Variants in ARPP21 observed in about 807,000 individuals in gnomAD.
ARPP21 encodes cAMP regulated phosphoprotein 21.
ARPP21 carries 69 observed loss-of-function variants against 113.2 expected under a neutral mutation model. The ratio of observed to expected loss-of-function variants is 0.61; its 90% CI spans 0.50 to 0.74. The LOEUF is 0.74. Ranked by LOEUF, ARPP21 falls within the 30% of genes least tolerant of loss-of-function variation. ARPP21 has a pLI of 0.00. For synonymous variants in ARPP21, 368 were observed against 375.5 expected, an observed-to-expected ratio of 0.98 and a Z score of 0.23; for missense variants, 1,070 against 1,037.4, an observed-to-expected ratio of 1.03 and a Z score of -0.43.
intron 1 of ARPP21, among the ~76,000 whole-genome samples, chr3:35,666,024 C>T (rs764143158): frequency 1.3e-5 from 2 of 152,068 alleles, no homozygotes; most frequent in African/African-American, 2.4e-5. Flanking sequence ...CAACTCCAAC[C>T]TTACGGTTCA....
intron 1 of ARPP21, among the ~76,000 whole-genome samples, chr3:35,660,917 T>C (rs1385725650): frequency 6.6e-6 from 1 of 152,162 alleles, no homozygotes; most frequent in African/African-American, 2.4e-5. Context: ...TTAGCATACT[T>C]ACTGAAAAAC....
chr3:35,660,543 A>G (rs1707252882), intron 1 of ARPP21, among the ~76,000 whole-genome samples: 1 of 152,120 alleles, frequency 6.6e-6, no homozygotes, highest in Non-Finnish European at 1.5e-5. Flanking sequence ...ATCCTTGGAG[A>G]AAGGTCTGGA....
At chr3:35,776,315 G>C (rs556456489) in intron 19 of ARPP21, among the ~76,000 whole-genome samples, 11 of 152,220 alleles carry the variant, frequency 7.2e-5, no homozygotes, top group African/African-American at 2.4e-4. Context: ...TGGGAAAGTG[G>C]AAGATTCTCT....
At chr3:35,698,349 G>A (rs1212738669) in intron 9 of ARPP21, among the ~76,000 whole-genome samples, 2 of 151,396 alleles carry the variant, frequency 1.3e-5, no homozygotes, top group Admixed American at 1.3e-4. Flanking sequence ...TTCCCTACTC[G>A]AAATTATTTA....
chr3:35,742,334 T>C (rs1271501061), intron 18 of ARPP21, among the ~76,000 whole-genome samples: 3 of 152,228 alleles, frequency 2.0e-5, no homozygotes, highest in Non-Finnish European at 2.9e-5. Context: ...TGCATAATGG[T>C]AGTCATCTTT....
intron 10 of ARPP21, chr3:35,707,647 C>T: frequency 2.4e-6 from 1 of 416,138 alleles, no homozygotes; most frequent in South Asian, 1.7e-5. Flanking sequence ...GTTTTATGGT[C>T]CATGTAAATT....
chr3:35,717,400 A>G (rs765420247), intron 13 of ARPP21, 43 bp downstream of exon 13: 15 of 1,175,212 alleles, frequency 1.3e-5, no homozygotes, highest in Middle Eastern at 1.9e-4. Flanking sequence ...TTTTCAAATT[A>G]TGTGGTAGAA....
intron 1 of ARPP21, among the ~76,000 whole-genome samples, chr3:35,663,169 A>C (rs1328019119): frequency 6.6e-6 from 1 of 152,182 alleles, no homozygotes; most frequent in Non-Finnish European, 1.5e-5. Flanking sequence ...CAGAAACTTC[A>C]TGATGCCTAG....
chr3:35,694,766 A>T (rs979467974), intron 9 of ARPP21, among the ~76,000 whole-genome samples: 2 of 151,130 alleles, frequency 1.3e-5, no homozygotes, highest in African/African-American at 4.8e-5. Context: ...TTGATGGACA[A>T]GATATTTTTG....
chr3:35,639,168 G>GGCTCATGC (rs1384877899), upstream of ARPP21: 3 of 152,206 alleles, frequency 2.0e-5, no homozygotes, highest in Non-Finnish European at 4.4e-5. This position sits in a 1 kb window ranked among gnomAD's most constrained non-coding sequence, Gnocchi z 5.0. Flanking sequence ...TGCTGCGCGT[G>GGCTCATGC]GCTCATGCGC....
At position 35,690,921 on chromosome 3, in the gene ARPP21, G is replaced by T. The variant is rs764145982; in HGVS notation, c.602G>T (p.Arg201Leu). 1 of 1,610,628 alleles carries T rather than the reference G, an allele frequency of 6.2e-7. No individual in the cohort carries two copies. Among genetic ancestry groups the T allele is most frequent in the Non-Finnish European group, 8.5e-7 (1 of 1,177,916 alleles). ...TCGTATCAGAGGATGCTTGTCCATCGAGTGGCAGCTTATTTTGGATTGGAT... is the reference window on the plus strand; with the variant it reads ...TCGTATCAGAGGATGCTTGTCCATCTAGTGGCAGCTTATTTTGGATTGGAT... ...MSSYQRMLVH[R>L]VAAYFGLDHN... is the part of the protein sequence containing the mutation. The change falls in exon 9 of 21, where the codon CGA becomes CTA. Residue 201 changes from arginine to leucine, a missense_variant. Physicochemically the swap from Arg to Leu is moderately radical, Grantham distance 102. Transcript: ENST00000684406.
chr3:35,682,273 G>A (rs1218218931), intron 3 of ARPP21, among the ~76,000 whole-genome samples: 1 of 151,742 alleles, frequency 6.6e-6, no homozygotes, highest in East Asian at 2.0e-4. Context: ...TCAAAGGCAG[G>A]TGTTCCTTTG....
Position 35,682,860 on chromosome 3 carries a change from G to T in ARPP21, c.142G>T (p.Ala48Ser). 1 of 1,608,382 alleles carries T rather than the reference G, an allele frequency of 6.2e-7. No individual in the cohort carries two copies. Among genetic ancestry groups the T allele is most frequent in the Middle Eastern group, 1.7e-4 (1 of 6,024 alleles). ...EKLELQRRLE[A>S]QNQERRKSKS... is the part of the protein sequence containing the mutation. ...TTCCAACATACAGAGGCGGCTGGAG[G>T]CTCAGAATCAAGAAAGAAGAAAATC... Residue 48 changes from alanine (A) to serine (S), a missense_variant, in exon 4 of 21, where the codon GCT (alanine) becomes TCT (serine). By Grantham distance (99) the Ala-to-Ser change is moderately conservative. Transcript: ENST00000684406.
At chr3:35,673,679 G>C (rs2076864552) in intron 1 of ARPP21, among the ~76,000 whole-genome samples, 1 of 151,864 alleles carries the variant, frequency 6.6e-6, no homozygotes, top group African/African-American at 2.4e-5. Context: ...AGCAATTTTT[G>C]TTTGCTTTTA....
At chr3:35,775,023 T>C (rs999555902) in intron 19 of ARPP21, 2 of 152,240 alleles carry the variant, frequency 1.3e-5, no homozygotes, top group African/African-American at 4.8e-5. Context: ...AGATAGTAAG[T>C]AAAATATGTC....
chr3:35,769,126 A>G (rs1273076721), intron 19 of ARPP21, among the ~76,000 whole-genome samples: 1 of 152,192 alleles, frequency 6.6e-6, no homozygotes, highest in Non-Finnish European at 1.5e-5. Flanking sequence ...GCATATGATT[A>G]TATACCTATA....
intron 19 of ARPP21, among the ~76,000 whole-genome samples, chr3:35,761,930 A>C (rs1283708520): frequency 6.6e-6 from 1 of 152,100 alleles, no homozygotes; most frequent in Non-Finnish European, 1.5e-5. Flanking sequence ...GAAGACACAG[A>C]CTGGCATCAT....
intron 9 of ARPP21, among the ~76,000 whole-genome samples, chr3:35,703,178 C>G (rs1379543437): frequency 6.6e-6 from 1 of 151,706 alleles, no homozygotes; most frequent in Admixed American, 6.6e-5. Context: ...TAAATCTGGT[C>G]TTAAGAACCT....
At chr3:35,746,690 C>A (rs1010955621) in intron 19 of ARPP21, among the ~76,000 whole-genome samples, 2 of 152,190 alleles carry the variant, frequency 1.3e-5, no homozygotes, top group Non-Finnish European at 2.9e-5. Context: ...TAGAGTGAGA[C>A]AGAATTATGT....
Sources: gnomAD v4.1 joint callset for allele counts (sites outside exome capture counted in the v4.1 genomes callset) on GRCh38, gnomAD v4.1.1 for gene constraint, Gnocchi (gnomAD v3.1) non-coding constraint, MANE v1.5 for transcripts, NCBI Gene and HGNC (gene_info 2026-07-23, HGNC 2026-07-21) for gene names.